Variants in GABBR2 observed in about 807,000 individuals in gnomAD.
GABBR2 encodes the protein gamma-aminobutyric acid type B receptor subunit 2.
In GABBR2, 23 loss-of-function variants were observed where a neutral mutation model predicts 105.6. That is an observed-to-expected ratio of 0.22 (90% CI 0.16 to 0.31). GABBR2 has a LOEUF of 0.31. Ranked by LOEUF, GABBR2 falls within the 10% of genes least tolerant of loss-of-function variation. The pLI is 1.00. For missense variants in GABBR2, 734 were observed against 1,245.5 expected, an observed-to-expected ratio of 0.59 and a Z score of 6.18; for synonymous variants, 478 against 499.7, an observed-to-expected ratio of 0.96 and a Z score of 0.58.
chr9:98,470,701 T>C (rs1264931610), intron 6 of GABBR2, among the ~76,000 whole-genome samples: 1 of 152,158 alleles, frequency 6.6e-6, no homozygotes, highest in Non-Finnish European at 1.5e-5. Context: ...AATCCAACCT[T>C]GCACTGGCAT....
chr9:98,416,499 C>T (rs570213846), intron 7 of GABBR2, among the ~76,000 whole-genome samples: 1 of 152,338 alleles, frequency 6.6e-6, no homozygotes, highest in South Asian at 2.1e-4. Context: ...CTTCCGCCAA[C>T]AGGAGGCTCT....
chr9:98,322,741 A>G (rs1830846348), intron 13 of GABBR2, among the ~76,000 whole-genome samples: 1 of 151,770 alleles, frequency 6.6e-6, no homozygotes, highest in South Asian at 2.1e-4. Flanking sequence ...GCCCTGGGAT[A>G]CCCTTCTTCA....
intron 3 of GABBR2, among the ~76,000 whole-genome samples, chr9:98,527,099 T>TA (rs1269661448): frequency 3.4e-5 from 5 of 146,686 alleles, no homozygotes; most frequent in Non-Finnish European, 7.5e-5. Context: ...ATAATAATAA[T>TA]ATATATATTA....
intron 1 of GABBR2, among the ~76,000 whole-genome samples, chr9:98,682,010 G>A (rs1417669979): frequency 2.0e-5 from 3 of 152,016 alleles, no homozygotes; most frequent in South Asian, 2.1e-4. Flanking sequence ...GGAGACAGGC[G>A]GATCACTTGA....
intron 3 of GABBR2, among the ~76,000 whole-genome samples, chr9:98,513,237 C>A (rs957884863): frequency 6.6e-6 from 1 of 151,272 alleles, no homozygotes; most frequent in Non-Finnish European, 1.5e-5. Flanking sequence ...CTTCCTTACA[C>A]CTTATACAAA....
chr9:98,627,737 TC>T (rs1309365105), intron 1 of GABBR2, among the ~76,000 whole-genome samples: 1 of 152,148 alleles, frequency 6.6e-6, no homozygotes, highest in Non-Finnish European at 1.5e-5. Context: ...TCGGTGTCTG[TC>T]CCCCAAGCCT....
At chr9:98,351,240 T>C (rs1392617489) in intron 13 of GABBR2, among the ~76,000 whole-genome samples, 2 of 152,210 alleles carry the variant, frequency 1.3e-5, no homozygotes, top group East Asian at 3.8e-4. Context: ...CATTCAATGT[T>C]GTTATTGATA....
intron 1 of GABBR2, among the ~76,000 whole-genome samples, chr9:98,653,841 G>A (rs1415215061): frequency 2.6e-5 from 4 of 152,154 alleles, no homozygotes; most frequent in Non-Finnish European, 5.9e-5. Flanking sequence ...GAGAAACTGA[G>A]TCCTCGTATT....
chr9:98,496,506 A>G lies in GABBR2; in HGVS notation c.639T>C (p.Asn213=), dbSNP rs780117363. The G allele has an allele frequency of 6.2e-6, 10 of 1,610,346 alleles. No homozygotes were observed. The highest frequency in any genetic ancestry group is 6.8e-6 in the Non-Finnish European group (8 of 1,176,860). ...QDVQRFSEVR[N]DLTGVLYGED... ...CGCCATACAGAACTCCAGTCAGGTC[A>G]TTCCGCACCTGTCAGCAAAGAGAAA... The change falls in exon 4 of 19, where the codon AAT becomes AAC. Residue 213 remains asparagine, a synonymous_variant. Transcript: ENST00000259455.
At chr9:98,462,380 G>T (rs1254951396) in intron 6 of GABBR2, among the ~76,000 whole-genome samples, 2 of 152,078 alleles carry the variant, frequency 1.3e-5, no homozygotes, top group African/African-American at 2.4e-5. Flanking sequence ...AATAGGAGAA[G>T]ATATAAATAA....
At chr9:98,615,336 A>G (rs1481420975) in intron 1 of GABBR2, among the ~76,000 whole-genome samples, 1 of 152,232 alleles carries the variant, frequency 6.6e-6, no homozygotes, top group Non-Finnish European at 1.5e-5. Context: ...CAGCACAGTA[A>G]CAGGTGGCAT....
rs542188264 is a variant in GABBR2 at position 98,465,492 on chromosome 9, G to T, written c.999+7654C>A. Among the ~76,000 whole-genome samples the T allele has an allele frequency of 1.9e-4, 29 of 152,290 alleles. No individual in the cohort carries two copies. In the South Asian group the frequency reaches 6.0e-3, roughly 32 times the overall value. On this transcript the variant is annotated intron_variant, in intron 6 of 18. Transcript: ENST00000259455. Reference sequence around the variant, plus strand: ...TAGCCTTTGAGTGGGTTCTATTAAAGAATTTCTGTTCATTAAAACACACCA... The same window carrying T: ...TAGCCTTTGAGTGGGTTCTATTAAATAATTTCTGTTCATTAAAACACACCA...
At chr9:98,604,910 C>A (rs1829391108) in intron 1 of GABBR2, among the ~76,000 whole-genome samples, 3 of 152,204 alleles carry the variant, frequency 2.0e-5, no homozygotes, top group Non-Finnish European at 4.4e-5. Flanking sequence ...AGGAGTCAAT[C>A]ATTCTTTCCC....
chr9:98,542,111 T>G (rs1427451088), intron 2 of GABBR2, 68 bp from the exon 3 acceptor site: 7 of 1,351,366 alleles, frequency 5.2e-6, no homozygotes, highest in Non-Finnish European at 6.2e-6. Context: ...GCATCTTTCC[T>G]ACTGGAATAG....
chr9:98,463,585 C>A (rs1233723392), intron 6 of GABBR2, among the ~76,000 whole-genome samples: 1 of 144,318 alleles, frequency 6.9e-6, no homozygotes, highest in Non-Finnish European at 1.6e-5. Flanking sequence ...CTCCCTCTCC[C>A]TCGCCCTCTC....
intron 1 of GABBR2, among the ~76,000 whole-genome samples, chr9:98,611,044 C>T (rs565943672): frequency 6.6e-6 from 1 of 152,248 alleles, no homozygotes; most frequent in South Asian, 2.1e-4. Flanking sequence ...ATCGCTCTCC[C>T]CACCTTCCAC....
chr9:98,394,189 G>T lies in GABBR2; in HGVS notation c.1364C>A (p.Thr455Asn), dbSNP rs373607825. Reference protein sequence around the residue: ...VADTLEIINDTIRFQGSEPPK... With the variant: ...VADTLEIINDNIRFQGSEPPK... Reference sequence around the variant, plus strand: ...ACCTGCCTTACCTTGGAACCTGATGGTGTCATTGATGATCTCCAGTGTGTC... The same window carrying T: ...ACCTGCCTTACCTTGGAACCTGATGTTGTCATTGATGATCTCCAGTGTGTC... The change falls in exon 9 of 19, where the codon ACC (threonine) becomes AAC (asparagine). Residue 455 changes from threonine (T) to asparagine (N), a missense_variant. Thr to Asn is a moderately conservative substitution (Grantham distance 65, BLOSUM62 0). Transcript: ENST00000259455. 50 of 1,612,912 alleles carry T rather than the reference G, an allele frequency of 3.1e-5. No homozygotes were observed. The African/African-American group carries it at 6.1e-4, about 20-fold the overall frequency.
rs975110682 is a variant in GABBR2, at chr9:98,290,804, A to G, written c.2661-55T>C. The G allele has an allele frequency of 1.1e-5, 15 of 1,318,202 alleles. No homozygotes were observed. The African/African-American group carries it at 2.0e-4, about 18-fold the overall frequency. The allele number at this position is 1,318,202 out of a possible 1,614,324, so 81.7% of individuals were successfully genotyped here. On this transcript the variant is annotated intron_variant, in intron 18 of 18. Coordinates refer to ENST00000259455, the MANE Select transcript of GABBR2 (RefSeq NM_005458.8). Reference sequence around the variant, plus strand: ...TGAAGGGTAGCTGGGCGCTTACCAGAAAGTTCCTTGGACTTGCTTTGGCTA... The same window carrying G: ...TGAAGGGTAGCTGGGCGCTTACCAGGAAGTTCCTTGGACTTGCTTTGGCTA...
At chr9:98,672,573 G>T (rs1830420665) in intron 1 of GABBR2, among the ~76,000 whole-genome samples, 1 of 152,236 alleles carries the variant, frequency 6.6e-6, no homozygotes, top group African/African-American at 2.4e-5. Context: ...TTCTGCTGAA[G>T]CCCTGCTGTT....
Sources: gnomAD v4.1 joint callset for allele counts (sites outside exome capture counted in the v4.1 genomes callset) on GRCh38, gnomAD v4.1.1 for gene constraint, MANE v1.5 for transcripts, NCBI Gene and HGNC (gene_info 2026-07-23, HGNC 2026-07-21) for gene names.